CASK: variants seen among roughly 807,000 people sequenced by gnomAD.
The protein encoded by CASK is peripheral plasma membrane protein CASK.
Under a neutral mutation model 82.9 loss-of-function variants are expected in CASK, and 4 were observed. That is an observed-to-expected ratio of 0.05 (90% CI 0.02 to 0.11). The LOEUF is 0.11. CASK is among the 10% of genes least tolerant of loss of function. The pLI is 1.00. For synonymous variants in CASK, 259 were observed against 253.5 expected (o/e 1.02, Z -0.20); for missense variants, 358 against 720.9 (o/e 0.50, Z 5.76).
chrX:41,644,033 A>G (rs1414864455), intron 8 of CASK, among the ~76,000 whole-genome samples: 1 of 112,017 alleles, frequency 8.9e-6, no homozygotes, highest in Non-Finnish European at 1.9e-5. Flanking sequence ...TGAGGTAATC[A>G]TGTGGTTTTT....
chrX:41,636,041 C>T (rs1456070730), intron 9 of CASK, among the ~76,000 whole-genome samples: 1 of 107,309 alleles, frequency 9.3e-6, no homozygotes, highest in East Asian at 2.9e-4. Flanking sequence ...GGATTATAGG[C>T]GCCTGCCACC....
At chrX:41,583,908 G>A (rs1197959532) in intron 14 of CASK, 4 of 111,301 alleles carry the variant, frequency 3.6e-5, no homozygotes, top group African/African-American at 1.3e-4. Context: ...TGTCTGGCTA[G>A]TTTATTTTTA....
At chrX:41,646,675 T>G (rs138379108) in intron 8 of CASK, among the ~76,000 whole-genome samples, 1 of 111,873 alleles carries the variant, frequency 8.9e-6, no homozygotes, top group African/African-American at 3.3e-5. Context: ...ACCCAGACAT[T>G]CTGCTTTACT....
chrX:41,883,159 G>A (rs926932447), intron 1 of CASK, among the ~76,000 whole-genome samples: 2 of 111,773 alleles, frequency 1.8e-5, no homozygotes. Flanking sequence ...GGACATTTTC[G>A]GGATATGGAT....
intron 5 of CASK, among the ~76,000 whole-genome samples, chrX:41,724,603 T>C: frequency 8.9e-6 from 1 of 112,042 alleles, no homozygotes; most frequent in Middle Eastern, 4.6e-3. Context: ...AATAGTACTT[T>C]CCAAATTCTG....
At chrX:41,708,205 C>G (rs1282658601) in intron 5 of CASK, among the ~76,000 whole-genome samples, 1 of 110,010 alleles carries the variant, frequency 9.1e-6, no homozygotes, top group African/African-American at 3.3e-5. Flanking sequence ...TGACTATAGT[C>G]GAGGATAGAG....
intron 5 of CASK, among the ~76,000 whole-genome samples, chrX:41,734,129 T>A (rs1265995954): frequency 8.9e-6 from 1 of 111,915 alleles, no homozygotes; most frequent in Non-Finnish European, 1.9e-5. Flanking sequence ...TTTGCACAGT[T>A]CTAAGAACTA....
intron 2 of CASK, among the ~76,000 whole-genome samples, chrX:41,811,804 G>T (rs1281878874): frequency 9.0e-6 from 1 of 111,551 alleles, no homozygotes. Flanking sequence ...CCAGGAGCTG[G>T]TTTTTTGAAA....
chrX:41,699,113 C>T (rs190799311), intron 5 of CASK, among the ~76,000 whole-genome samples: 6 of 109,907 alleles, frequency 5.5e-5, no homozygotes, highest in East Asian at 5.7e-4. Context: ...TTAGTAGAGA[C>T]GGGATTTCAC....
intron 5 of CASK, among the ~76,000 whole-genome samples, chrX:41,737,157 T>C (rs746732112): frequency 4.5e-5 from 5 of 111,883 alleles, no homozygotes; most frequent in Non-Finnish European, 9.4e-5. Context: ...GACACTGTCT[T>C]GCTGGAGATA....
chrX:41,896,903 T>C (rs181927328), intron 1 of CASK, among the ~76,000 whole-genome samples: 24 of 112,230 alleles, frequency 2.1e-4, no homozygotes, highest in African/African-American at 7.4e-4. Flanking sequence ...TCTAACTATA[T>C]TTTGGTGACC....
chrX:41,693,201 C>T (rs1345212308), intron 5 of CASK, among the ~76,000 whole-genome samples: 1 of 111,453 alleles, frequency 9.0e-6, no homozygotes, highest in African/African-American at 3.3e-5. Flanking sequence ...TACATAACCA[C>T]ACAATATAGG....
intron 22 of CASK, among the ~76,000 whole-genome samples, chrX:41,535,807 C>A (rs1340618878): frequency 8.9e-6 from 1 of 111,890 alleles, no homozygotes; most frequent in African/African-American, 3.2e-5. Flanking sequence ...CTGAAACCTG[C>A]CTCTTAACAC....
chrX:41,878,473 T>A lies in CASK; in HGVS notation c.60-25246A>T, dbSNP rs183457574. Among the ~76,000 whole-genome samples the A allele has an allele frequency of 5.0e-3, 559 of 111,178 alleles. 1 individual carries two copies. Among genetic ancestry groups the A allele is most frequent in the African/African-American group, 0.015 (474 of 30,651 alleles). On this transcript the variant is annotated intron_variant, in intron 1 of 26. Coordinates refer to ENST00000378163, the MANE Select transcript of CASK (RefSeq NM_001367721.1). ...TTGCAGTCTTTCCTGACTTTTTTTT[T>A]AAAATTTTATTTCCATAGGTTTTTG...
intron 1 of CASK, among the ~76,000 whole-genome samples, chrX:41,869,874 A>G (rs2148006245): frequency 9.6e-6 from 1 of 104,665 alleles, no homozygotes; most frequent in African/African-American, 3.5e-5. Flanking sequence ...TTTCAGAGGA[A>G]CTGAAAGCTG....
intron 16 of CASK, chrX:41,562,167 T>C (rs1032370595): frequency 3.5e-5 from 4 of 113,102 alleles, no homozygotes; most frequent in African/African-American, 1.3e-4. Context: ...ATCTACCAGA[T>C]ATGATACGAA....
At chrX:41,612,759 G>C (rs1177748320) in intron 11 of CASK, among the ~76,000 whole-genome samples, 7 of 90,005 alleles carry the variant, frequency 7.8e-5, no homozygotes, top group African/African-American at 2.9e-4. Context: ...GGTGGGGGGG[G>C]GTCAACCCCC....
chrX:41,556,982 G>A (rs2065166862), intron 19 of CASK, 50 bp downstream of exon 19: 2 of 982,850 alleles, frequency 2.0e-6, no homozygotes, highest in Non-Finnish European at 2.9e-6. Context: ...CATGGCAGGT[G>A]AGCACCAACA....
At chrX:41,812,349 C>G (rs1191812863) in intron 2 of CASK, among the ~76,000 whole-genome samples, 1 of 111,718 alleles carries the variant, frequency 9.0e-6, no homozygotes, top group African/African-American at 3.3e-5. Flanking sequence ...CAATAAAATG[C>G]TGGCAAACCG....
Sources: gnomAD v4.1 joint callset for allele counts (sites outside exome capture counted in the v4.1 genomes callset) on GRCh38, gnomAD v4.1.1 for gene constraint, MANE v1.5 for transcripts, NCBI Gene and HGNC (gene_info 2026-07-23, HGNC 2026-07-21) for gene names.